ARK2C: variants seen among roughly 807,000 people sequenced by gnomAD.
The protein encoded by ARK2C is E3 ubiquitin-protein ligase ARK2C.
At chr18:46,440,724 C>T in the ARK2C span, among the ~76,000 whole-genome samples, 27 of 145,724 alleles carry the variant, frequency 1.9e-4, no homozygotes, top group African/African-American at 6.9e-4. Context: ...AATCAAGATC[C>T]GAATAAGTTT....
chr18:46,417,196 C>G, the ARK2C span, among the ~76,000 whole-genome samples: 1 of 152,238 alleles, frequency 6.6e-6, no homozygotes, highest in Non-Finnish European at 1.5e-5. Flanking sequence ...CCACCCTAGT[C>G]CAAGAAACCA....
At chr18:46,378,810 T>G in the ARK2C span, among the ~76,000 whole-genome samples, 1 of 152,170 alleles carries the variant, frequency 6.6e-6, no homozygotes, top group South Asian at 2.1e-4. Context: ...AGCGCTGCTA[T>G]GGATGGTGGG....
the ARK2C span, among the ~76,000 whole-genome samples, chr18:46,391,229 C>T: frequency 2.6e-5 from 4 of 152,318 alleles, no homozygotes; most frequent in South Asian, 2.1e-4. Flanking sequence ...TGAGTGATCT[C>T]GCTTAGTCTT....
chr18:46,433,494 C>G, the ARK2C span: 1 of 1,607,052 alleles, frequency 6.2e-7, no homozygotes. Flanking sequence ...GCAGGCTGGT[C>G]TCGCACCCCA....
the ARK2C span, chr18:46,337,238 A>G: frequency 1.0e-6 from 1 of 985,270 alleles, no homozygotes; most frequent in Non-Finnish European, 1.2e-6. Flanking sequence ...AAAGAAAAGA[A>G]AAAAGAATCC....
At chr18:46,337,805 CT>C in the ARK2C span, among the ~76,000 whole-genome samples, 11,768 of 132,444 alleles carry the variant, frequency 0.089, 605 homozygotes, top group Middle Eastern at 0.22. Context: ...TTTTACTTTA[CT>C]TTTTTTTTTT....
At chr18:46,378,476 C>G in the ARK2C span, among the ~76,000 whole-genome samples, 432 of 152,282 alleles carry the variant, frequency 2.8e-3, 2 homozygotes, top group Non-Finnish European at 4.6e-3. Flanking sequence ...GGCTTTTGCA[C>G]CGCTTTCTGT....
chr18:46,384,754 T>A, the ARK2C span, among the ~76,000 whole-genome samples: 1 of 152,186 alleles, frequency 6.6e-6, no homozygotes, highest in Non-Finnish European at 1.5e-5. Context: ...CAGTGGCTCA[T>A]GCCTGTAATC....
the ARK2C span, among the ~76,000 whole-genome samples, chr18:46,362,095 A>G: frequency 4.6e-5 from 7 of 152,188 alleles, no homozygotes; most frequent in African/African-American, 1.4e-4. Context: ...CCCCACTCAT[A>G]TGGGAGTGTA....
At chr18:46,350,430 G>T in the ARK2C span, among the ~76,000 whole-genome samples, 1 of 152,184 alleles carries the variant, frequency 6.6e-6, no homozygotes, top group African/African-American at 2.4e-5. Context: ...AGCTGGGATG[G>T]AAGCGTGAGG....
At chr18:46,363,421 C>T in the ARK2C span, among the ~76,000 whole-genome samples, 52 of 152,320 alleles carry the variant, frequency 3.4e-4, no homozygotes, top group Non-Finnish European at 5.1e-4. Flanking sequence ...TGCAGTTCTC[C>T]GGCCATCAGG....
At chr18:46,364,425 A>G in the ARK2C span, among the ~76,000 whole-genome samples, 1 of 152,032 alleles carries the variant, frequency 6.6e-6, no homozygotes, top group Admixed American at 6.5e-5. Context: ...AAAAGCTCTA[A>G]AGTCGTAGAA....
the ARK2C span, among the ~76,000 whole-genome samples, chr18:46,452,799 G>A: frequency 5.3e-5 from 8 of 152,066 alleles, no homozygotes; most frequent in African/African-American, 1.7e-4. Flanking sequence ...TGCATTGGTC[G>A]AGAGCACTCT....
chr18:46,458,087 G>A, the ARK2C span: 1,577 of 152,394 alleles, frequency 0.01, 14 homozygotes, highest in Middle Eastern at 0.02. Flanking sequence ...TTCCGGTCCT[G>A]CTACCTCACC....
the ARK2C span, among the ~76,000 whole-genome samples, chr18:46,393,138 G>T: frequency 6.6e-6 from 1 of 152,166 alleles, no homozygotes; most frequent in Non-Finnish European, 1.5e-5. Flanking sequence ...GACTTTTTCT[G>T]ATCAGATTTA....
At chr18:46,423,815 G>A in the ARK2C span, among the ~76,000 whole-genome samples, 1,022 of 152,282 alleles carry the variant, frequency 6.7e-3, 5 homozygotes, top group Non-Finnish European at 9.7e-3. Context: ...AGGATTCCAT[G>A]AAGAACTATG....
chr18:46,412,329 G>C, the ARK2C span, among the ~76,000 whole-genome samples: 2 of 152,236 alleles, frequency 1.3e-5, no homozygotes, highest in South Asian at 4.1e-4. Flanking sequence ...CCACAGCCTT[G>C]GTTTCTTGGT....
At chr18:46,439,496 C>G in the ARK2C span, among the ~76,000 whole-genome samples, 2 of 152,220 alleles carry the variant, frequency 1.3e-5, no homozygotes, top group African/African-American at 4.8e-5. Context: ...CCTAGCTGCA[C>G]TTTCCCAAAG....
the ARK2C span, chr18:46,460,326 G>C: frequency 6.6e-6 from 1 of 152,078 alleles, no homozygotes; most frequent in Admixed American, 6.6e-5. Context: ...TCTCCTGCGC[G>C]CGTAGAGCAA....
Sources: gnomAD v4.1 joint callset for allele counts (sites outside exome capture counted in the v4.1 genomes callset) on GRCh38, gnomAD v4.1.1 for gene constraint, MANE v1.5 for transcripts, NCBI Gene and HGNC (gene_info 2026-07-23, HGNC 2026-07-21) for gene names.